Variants in FGF14 observed in about 807,000 individuals in gnomAD.
FGF14 encodes the protein fibroblast growth factor 14.
A neutral mutation model predicts 25.5 loss-of-function variants in FGF14; 5 were observed. That is an observed-to-expected ratio of 0.20 (90% CI 0.10 to 0.41). FGF14 has a LOEUF of 0.41. Among genes scored for constraint, FGF14 ranks in the 10% least tolerant of loss-of-function variants. The pLI, the probability that FGF14 is intolerant of heterozygous loss-of-function variation, is 1.00. For synonymous variants in FGF14, 138 were observed against 118.3 expected (o/e 1.17, Z -1.08); for missense variants, 222 against 320.1 (o/e 0.69, Z 2.34).
intron 3 of FGF14, among the ~76,000 whole-genome samples, chr13:101,771,921 A>G (rs1011129430): frequency 3.3e-5 from 5 of 152,036 alleles, no homozygotes; most frequent in African/African-American, 9.7e-5. Context: ...CAGCCCATAT[A>G]CATGTATAAA....
At chr13:102,238,700 T>C (rs546363733) in intron 1 of FGF14, among the ~76,000 whole-genome samples, 14 of 152,344 alleles carry the variant, frequency 9.2e-5, no homozygotes, top group African/African-American at 1.2e-4. Flanking sequence ...GCCAGGATCA[T>C]TGATTCATTT....
At chr13:102,263,874 A>G (rs1014928505) in intron 1 of FGF14, among the ~76,000 whole-genome samples, 3 of 152,166 alleles carry the variant, frequency 2.0e-5, no homozygotes, top group African/African-American at 7.2e-5. Flanking sequence ...AGGGGAAAAA[A>G]GTTGAGTGTC....
chr13:102,161,587 A>G (rs1181956980), intron 1 of FGF14, among the ~76,000 whole-genome samples: 212 of 3,224 alleles, frequency 0.066, 2 homozygotes, highest in South Asian at 0.077. Context: ...GAAGAAGAAG[A>G]AGAAGAAGAA....
At chr13:101,830,720 A>C (rs1459025548) in intron 3 of FGF14, among the ~76,000 whole-genome samples, 1 of 152,146 alleles carries the variant, frequency 6.6e-6, no homozygotes, top group African/African-American at 2.4e-5. Flanking sequence ...GGCCTAAAGC[A>C]ACACAATTTC....
intron 3 of FGF14, among the ~76,000 whole-genome samples, chr13:101,763,349 T>C (rs2038161343): frequency 6.6e-6 from 1 of 152,220 alleles, no homozygotes; most frequent in African/African-American, 2.4e-5. Flanking sequence ...GGCTGGAATG[T>C]ACCACTGTCA....
intron 1 of FGF14, among the ~76,000 whole-genome samples, chr13:102,315,026 CACAT>C (rs1461238090): frequency 3.3e-5 from 5 of 150,506 alleles, no homozygotes; most frequent in Admixed American, 1.3e-4. Context: ...ATGTTACACA[CACAT>C]ACAAACATGT....
intron 1 of FGF14, among the ~76,000 whole-genome samples, chr13:101,946,997 C>G (rs2035852213): frequency 2.0e-5 from 3 of 152,128 alleles, no homozygotes; most frequent in Admixed American, 2.0e-4. Context: ...TCTGATAATG[C>G]AATCCTAAAG....
chr13:102,256,422 C>T (rs991996000), intron 1 of FGF14, among the ~76,000 whole-genome samples: 40 of 152,168 alleles, frequency 2.6e-4, no homozygotes, highest in African/African-American at 6.5e-4. Context: ...CACTTGAGCC[C>T]GGGAGGTCGA....
chr13:102,313,479 G>C (rs149383254), intron 1 of FGF14, among the ~76,000 whole-genome samples: 104 of 152,204 alleles, frequency 6.8e-4, no homozygotes, highest in Middle Eastern at 6.8e-3. Flanking sequence ...CATCACTGAT[G>C]AAACAGTCCC....
intron 1 of FGF14, among the ~76,000 whole-genome samples, chr13:101,980,059 G>A (rs1278680789): frequency 6.6e-6 from 1 of 152,156 alleles, no homozygotes; most frequent in Non-Finnish European, 1.5e-5. Context: ...GACTCATGCT[G>A]TTATTGCTAC....
intron 1 of FGF14, among the ~76,000 whole-genome samples, chr13:102,399,213 C>T (rs957108686): frequency 1.3e-5 from 2 of 151,822 alleles, no homozygotes; most frequent in African/African-American, 4.8e-5. Context: ...TTAGTGTTTC[C>T]GGTAAAATTG....
chr13:102,068,792 C>G (rs555028404), intron 1 of FGF14, among the ~76,000 whole-genome samples: 1 of 152,230 alleles, frequency 6.6e-6, no homozygotes, highest in Non-Finnish European at 1.5e-5. Context: ...CGAGCCTCCC[C>G]GACGAGCACC....
intron 1 of FGF14, among the ~76,000 whole-genome samples, chr13:102,107,751 A>C (rs1643622207): frequency 6.6e-6 from 1 of 152,212 alleles, no homozygotes; most frequent in African/African-American, 2.4e-5. Context: ...AGAGAAGAAA[A>C]GGATGGCATT....
intron 1 of FGF14, among the ~76,000 whole-genome samples, chr13:101,980,209 C>CA (rs2038163466): frequency 1.3e-5 from 2 of 151,888 alleles, no homozygotes; most frequent in Admixed American, 1.3e-4. Context: ...AGTAAAATTG[C>CA]AAAACGATGA....
At chr13:101,821,461 G>T (rs2042152639) in intron 3 of FGF14, among the ~76,000 whole-genome samples, 1 of 152,184 alleles carries the variant, frequency 6.6e-6, no homozygotes, top group Non-Finnish European at 1.5e-5. Flanking sequence ...AATTTCATTT[G>T]TTCCGGTTTG....
intron 1 of FGF14, among the ~76,000 whole-genome samples, chr13:102,315,841 T>C (rs1451335280): frequency 6.6e-6 from 1 of 152,182 alleles, no homozygotes; most frequent in Non-Finnish European, 1.5e-5. Flanking sequence ...TTCCCTCTTC[T>C]TACCTTTCTA....
chr13:101,763,348 G>A (rs926387127), intron 3 of FGF14, among the ~76,000 whole-genome samples: 1 of 152,200 alleles, frequency 6.6e-6, no homozygotes, highest in Non-Finnish European at 1.5e-5. Flanking sequence ...TGGCTGGAAT[G>A]TACCACTGTC....
chr13:101,850,119 C>A (rs1482555987), intron 3 of FGF14, among the ~76,000 whole-genome samples: 1 of 151,332 alleles, frequency 6.6e-6, no homozygotes, highest in Non-Finnish European at 1.5e-5. Context: ...AAAATAAATT[C>A]TAACTCAAGT....
chr13:102,308,586 G>C (rs2138648257), intron 1 of FGF14, among the ~76,000 whole-genome samples: 1 of 152,240 alleles, frequency 6.6e-6, no homozygotes, highest in African/African-American at 2.4e-5. Context: ...AAAAGAATTG[G>C]ACTAAAAGGT....
Sources: gnomAD v4.1 joint callset for allele counts (sites outside exome capture counted in the v4.1 genomes callset) on GRCh38, gnomAD v4.1.1 for gene constraint, MANE v1.5 for transcripts, NCBI Gene and HGNC (gene_info 2026-07-23, HGNC 2026-07-21) for gene names.